Variants in ASB3 observed in about 807,000 individuals in gnomAD.
ASB3 encodes ankyrin repeat and SOCS box containing 3.
ASB3 carries 41 observed loss-of-function variants against 54.5 expected under a neutral mutation model. The ratio of observed to expected loss-of-function variants is 0.75; its 90% confidence interval spans 0.59 to 0.98. The LOEUF is 0.98. Among genes scored for constraint, ASB3 ranks in the 50% least tolerant of loss-of-function variants. ASB3 has a pLI of 0.00. For synonymous variants in ASB3, 266 were observed against 221.2 expected, an observed-to-expected ratio of 1.20 and a Z score of -1.80; for missense variants, 733 against 620.0, an observed-to-expected ratio of 1.18 and a Z score of -1.94.
In ASB3 at chr2:53,700,432, C is replaced by T. The variant is rs775757363; in HGVS notation, c.1077G>A (p.Ser359=). The T allele has an allele frequency of 5.1e-5, 82 of 1,613,900 alleles. No individual in the cohort carries two copies. Among genetic ancestry groups the T allele is most frequent in the East Asian group, 2.5e-4 (11 of 44,874 alleles). ...CTTTCCTCAAAAAGTAGCGAAATAT[C>T]GAAAACTTCTCGTACTTCAGGCAGT... ...LAYCLKYEKF[S]IFRYFLRKGC... is the part of the protein sequence containing the mutation. Residue 359 remains serine (S), a synonymous_variant, in exon 8 of 10, where the codon TCG becomes TCA. Transcript: ENST00000263634.
intron 3 of ASB3, among the ~76,000 whole-genome samples, chr2:53,733,716 C>T (rs115255775): frequency 0.097 from 14,777 of 152,146 alleles, 912 homozygotes; most frequent in Non-Finnish European, 0.14. Context: ...CCTCCAATGC[C>T]GAGACCAGCT....
At chr2:53,767,172 T>C (rs1558569967) in intron 1 of ASB3, 1 of 152,190 alleles carries the variant, frequency 6.6e-6, no homozygotes, top group East Asian at 1.9e-4. Context: ...TTAAGAACAT[T>C]TGCCTGCTCT....
intron 1 of ASB3, among the ~76,000 whole-genome samples, chr2:53,777,676 C>T (rs921997982): frequency 2.6e-5 from 4 of 152,110 alleles, no homozygotes; most frequent in Admixed American, 2.6e-4. Context: ...ACACATTAAA[C>T]GTTGAACAAT....
At chr2:53,710,082 A>G (rs1225305855) in intron 7 of ASB3, among the ~76,000 whole-genome samples, 1 of 152,180 alleles carries the variant, frequency 6.6e-6, no homozygotes, top group African/African-American at 2.4e-5. Flanking sequence ...GCTTCATCTG[A>G]TATTTAATGC....
chr2:53,708,663 A>G (rs1669924640), intron 7 of ASB3, among the ~76,000 whole-genome samples: 3 of 152,236 alleles, frequency 2.0e-5, no homozygotes, highest in Non-Finnish European at 4.4e-5. Flanking sequence ...GAATAAAAGT[A>G]AAGGCTGGGC....
chr2:53,714,358 A>G lies in ASB3; in HGVS notation c.980+26T>C, dbSNP rs1324365621. 8 of 1,607,098 alleles carry G rather than the reference A, an allele frequency of 5.0e-6. No individual in the cohort carries two copies. In the Middle Eastern group the frequency reaches 5.0e-4, roughly 101 times the overall value. On this transcript the variant is annotated intron_variant, in intron 7 of 9. Transcript: ENST00000263634. ...CTCCATACAGCAAAAAAGAATAAAAAATAAAAACATAGCAAATATACATAC... is the reference window on the plus strand; with the variant it reads ...CTCCATACAGCAAAAAAGAATAAAAGATAAAAACATAGCAAATATACATAC...
intron 5 of ASB3, among the ~76,000 whole-genome samples, chr2:53,722,074 T>A: frequency 6.6e-6 from 1 of 150,872 alleles, no homozygotes. Context: ...TGCACGCAAA[T>A]GAGAAAATCT....
rs187107390 is a variant in ASB3 at position 53,701,415 on chromosome 2, A to T, written c.981-887T>A. Among the ~76,000 whole-genome samples the T allele has an allele frequency of 2.1e-3, 317 of 152,354 alleles. 3 individuals carry two copies. The highest frequency in any genetic ancestry group is 3.6e-3 in the Non-Finnish European group (246 of 68,030). ...GAGTCACAGAGCTAGTAATTGGCAG[A>T]ACTGGGATAATGATATCAAACCAAA... On this transcript the variant is annotated intron_variant, in intron 7 of 9. Transcript: ENST00000263634.
intron 9 of ASB3, among the ~76,000 whole-genome samples, chr2:53,686,646 T>G (rs1170205016): frequency 6.8e-6 from 1 of 146,662 alleles, no homozygotes; most frequent in Non-Finnish European, 1.5e-5. Context: ...ACTGGTGATC[T>G]CATACTTAGA....
At chr2:53,749,391 T>G (rs1171497786) in intron 3 of ASB3, among the ~76,000 whole-genome samples, 1 of 152,092 alleles carries the variant, frequency 6.6e-6, no homozygotes, top group Non-Finnish European at 1.5e-5. Context: ...AGAAAAAAAC[T>G]TCCAACTTGT....
chr2:53,703,686 T>G (rs1669612318), intron 7 of ASB3, among the ~76,000 whole-genome samples: 1 of 152,164 alleles, frequency 6.6e-6, no homozygotes, highest in Non-Finnish European at 1.5e-5. Flanking sequence ...TAAAAGTAGA[T>G]AAAAGTTTAT....
intron 8 of ASB3, among the ~76,000 whole-genome samples, chr2:53,697,342 G>C (rs1375514433): frequency 6.6e-6 from 1 of 152,178 alleles, no homozygotes; most frequent in Non-Finnish European, 1.5e-5. Context: ...TAATCAAGAA[G>C]TAACAATAAG....
chr2:53,763,006 T>G (rs1292991272), intron 2 of ASB3, among the ~76,000 whole-genome samples: 1 of 152,174 alleles, frequency 6.6e-6, no homozygotes, highest in Non-Finnish European at 1.5e-5. Context: ...ACATACCTTC[T>G]TATTTGGGTG....
intron 5 of ASB3, among the ~76,000 whole-genome samples, chr2:53,725,099 C>T (rs1271653906): frequency 6.6e-6 from 1 of 152,118 alleles, no homozygotes; most frequent in Non-Finnish European, 1.5e-5. Context: ...TGGAATACTA[C>T]GCAGCCATAG....
At chr2:53,670,821 A>C in intron 9 of ASB3, 131 bp from the exon 10 acceptor site, 1 of 1,051,960 alleles carries the variant, frequency 9.5e-7, no homozygotes, top group Non-Finnish European at 1.4e-6. Context: ...GACTACTTTG[A>C]GTCAGTATGA....
At chr2:53,764,064 A>T (rs1438565412) in intron 2 of ASB3, among the ~76,000 whole-genome samples, 2 of 152,184 alleles carry the variant, frequency 1.3e-5, no homozygotes, top group Admixed American at 1.3e-4. Flanking sequence ...AAAAACACCT[A>T]CCACTACCAA....
intron 1 of ASB3, chr2:53,767,968 T>C: frequency 1.2e-6 from 2 of 1,614,122 alleles, no homozygotes; most frequent in Non-Finnish European, 1.7e-6. Flanking sequence ...CATCACCAAC[T>C]ACAGCAGGCG....
At chr2:53,728,925 TTTTC>T (rs1671152696) in intron 4 of ASB3, 78 bp from the exon 5 acceptor site, 1 of 1,454,822 alleles carries the variant, frequency 6.9e-7, no homozygotes, top group African/African-American at 1.4e-5. Flanking sequence ...TGTGTTTTTT[TTTTC>T]TTTTTTATCC....
intron 3 of ASB3, among the ~76,000 whole-genome samples, chr2:53,733,265 T>C (rs1490411981): frequency 2.0e-5 from 3 of 152,224 alleles, no homozygotes; most frequent in Admixed American, 6.5e-5. Context: ...AAATTAACTC[T>C]ATCCAATTGA....
Sources: gnomAD v4.1 joint callset for allele counts (sites outside exome capture counted in the v4.1 genomes callset) on GRCh38, gnomAD v4.1.1 for gene constraint, MANE v1.5 for transcripts, NCBI Gene and HGNC (gene_info 2026-07-23, HGNC 2026-07-21) for gene names.